BRINP3: variants seen among roughly 807,000 people sequenced by gnomAD.
BRINP3 encodes the protein BMP/retinoic acid-inducible neural-specific protein 3.
Under a neutral mutation model 71.0 loss-of-function variants are expected in BRINP3, and 19 were observed. The observed-to-expected ratio is 0.27, with a 90% CI of 0.19 to 0.39. The LOEUF (loss-of-function observed/expected upper bound fraction) is 0.39, where lower values mean the gene tolerates loss of function less well. Among genes scored for constraint, BRINP3 ranks in the 10% least tolerant of loss-of-function variants. The pLI is 1.00. For missense variants in BRINP3, 959 were observed against 940.8 expected, an observed-to-expected ratio of 1.02 and a Z score of -0.25; for synonymous variants, 380 against 337.7, an observed-to-expected ratio of 1.13 and a Z score of -1.37.
intron 7 of BRINP3, among the ~76,000 whole-genome samples, chr1:190,123,745 GC>G (rs1420407527): frequency 1.3e-5 from 2 of 151,970 alleles, no homozygotes; most frequent in African/African-American, 4.8e-5. Flanking sequence ...ACTTTTCATT[GC>G]AAAAGTTCCA....
chr1:190,097,899 G>T lies in BRINP3; in HGVS notation c.*119C>A. 1 of 1,103,834 alleles carries T rather than the reference G, an allele frequency of 9.1e-7. No homozygotes were observed. 68.4% of individuals were successfully genotyped at this position (1,103,834 alleles called of 1,614,324 possible). Reference sequence around the variant, plus strand: ...GTGTAAATTGCCATCCAATGTTATTGACTGATATAAGACAGATATTGAAAA... The same window carrying T: ...GTGTAAATTGCCATCCAATGTTATTTACTGATATAAGACAGATATTGAAAA... On this transcript the variant is annotated 3_prime_UTR_variant, in exon 8 of 8. Transcript: ENST00000367462.
At chr1:190,331,989 T>G (rs1666995485) in intron 2 of BRINP3, among the ~76,000 whole-genome samples, 1 of 152,074 alleles carries the variant, frequency 6.6e-6, no homozygotes, top group African/African-American at 2.4e-5. Context: ...GTGCTTTTTA[T>G]AATTATTAAT....
At chr1:190,450,998 A>T (rs974214862) in intron 2 of BRINP3, among the ~76,000 whole-genome samples, 2 of 152,220 alleles carry the variant, frequency 1.3e-5, no homozygotes, top group South Asian at 2.1e-4. Context: ...AGTAAGTCAT[A>T]ACATTCACCT....
chr1:190,315,291 G>A (rs888222844), intron 2 of BRINP3, among the ~76,000 whole-genome samples: 1 of 152,088 alleles, frequency 6.6e-6, no homozygotes, highest in Non-Finnish European at 1.5e-5. Context: ...ACAGCCCCCA[G>A]AGTCCAAATT....
At chr1:190,203,747 G>GAA (rs1655219271) in intron 6 of BRINP3, among the ~76,000 whole-genome samples, 1 of 68,980 alleles carries the variant, frequency 1.4e-5, no homozygotes, top group African/African-American at 5.2e-5. Context: ...TATCACTAAA[G>GAA]AAAATATATA....
chr1:190,420,345 G>A (rs950867997), intron 2 of BRINP3, among the ~76,000 whole-genome samples: 9 of 151,974 alleles, frequency 5.9e-5, no homozygotes, highest in African/African-American at 2.2e-4. Flanking sequence ...TCAGAGCTTG[G>A]AAGAATGCAA....
chr1:190,220,027 G>C (rs1656737664), intron 6 of BRINP3, among the ~76,000 whole-genome samples: 1 of 151,930 alleles, frequency 6.6e-6, no homozygotes, highest in African/African-American at 2.4e-5. Flanking sequence ...CAAGATCAAG[G>C]AGTGGAAATT....
intron 2 of BRINP3, among the ~76,000 whole-genome samples, chr1:190,421,736 T>C: frequency 6.6e-6 from 1 of 151,816 alleles, no homozygotes; most frequent in East Asian, 1.9e-4. Flanking sequence ...ATCAAATTTT[T>C]TAACTTCACG....
chr1:190,178,684 T>G (rs953618454), intron 6 of BRINP3, among the ~76,000 whole-genome samples: 1 of 152,146 alleles, frequency 6.6e-6, no homozygotes, highest in African/African-American at 2.4e-5. Flanking sequence ...CCATTTTTCT[T>G]ACAGCCTCTA....
intron 4 of BRINP3, among the ~76,000 whole-genome samples, chr1:190,236,845 T>C (rs1251906550): frequency 6.6e-6 from 1 of 151,968 alleles, no homozygotes; most frequent in African/African-American, 2.4e-5. Context: ...TATCATGTGG[T>C]TTCACTATTG....
chr1:190,180,780 C>T (rs867544989), intron 6 of BRINP3, among the ~76,000 whole-genome samples: 1 of 151,884 alleles, frequency 6.6e-6, no homozygotes, highest in African/African-American at 2.4e-5. Context: ...TTATATAACA[C>T]GTCATTATTT....
At chr1:190,410,003 T>C (rs1672559967) in intron 2 of BRINP3, among the ~76,000 whole-genome samples, 1 of 152,140 alleles carries the variant, frequency 6.6e-6, no homozygotes, top group Non-Finnish European at 1.5e-5. Context: ...TTTATTTCTT[T>C]TTCCTCTTTC....
intron 2 of BRINP3, among the ~76,000 whole-genome samples, chr1:190,312,193 G>A (rs988986823): frequency 8.7e-5 from 13 of 150,052 alleles, no homozygotes; most frequent in African/African-American, 2.9e-4. Context: ...ATGATCTTTC[G>A]TAAATTGCGA....
chr1:190,192,392 A>G (rs1654111128), intron 6 of BRINP3, among the ~76,000 whole-genome samples: 1 of 152,150 alleles, frequency 6.6e-6, no homozygotes. Context: ...TAAAAATGCT[A>G]TTAGTAAAAC....
At chr1:190,102,301 C>T (rs1388359856) in intron 7 of BRINP3, among the ~76,000 whole-genome samples, 1 of 152,040 alleles carries the variant, frequency 6.6e-6, no homozygotes, top group East Asian at 1.9e-4. Context: ...AATTTAGTTC[C>T]CCTTACTTTA....
intron 2 of BRINP3, among the ~76,000 whole-genome samples, chr1:190,327,790 T>G (rs1275777768): frequency 6.6e-6 from 1 of 152,064 alleles, no homozygotes; most frequent in Non-Finnish European, 1.5e-5. Context: ...ACTGACCACT[T>G]TAGCAACTGG....
chr1:190,212,755 C>G lies in BRINP3; in HGVS notation c.961+13327G>C, dbSNP rs753474229. Among the ~76,000 whole-genome samples the G allele has an allele frequency of 7.9e-5, 12 of 152,050 alleles. No homozygotes were observed. The South Asian group carries it at 1.2e-3, about 16-fold the overall frequency. On this transcript the variant is annotated intron_variant, in intron 6 of 7. Transcript: ENST00000367462. ...CAGTGACGATTATCTGTATGCTTTCCCATTGCCTCCATTACCAAATCATTC... is the reference window on the plus strand; with the variant it reads ...CAGTGACGATTATCTGTATGCTTTCGCATTGCCTCCATTACCAAATCATTC...
At chr1:190,441,038 C>A (rs1390661895) in intron 2 of BRINP3, among the ~76,000 whole-genome samples, 1 of 151,840 alleles carries the variant, frequency 6.6e-6, no homozygotes, top group Non-Finnish European at 1.5e-5. Context: ...TTAGATGGGA[C>A]TGCTAAACTA....
At chr1:190,318,243 T>C (rs1404771733) in intron 2 of BRINP3, among the ~76,000 whole-genome samples, 1 of 152,112 alleles carries the variant, frequency 6.6e-6, no homozygotes, top group African/African-American at 2.4e-5. Flanking sequence ...TTTATTTATT[T>C]CCTCCTGAGA....
Sources: gnomAD v4.1 joint callset for allele counts (sites outside exome capture counted in the v4.1 genomes callset) on GRCh38, gnomAD v4.1.1 for gene constraint, MANE v1.5 for transcripts, NCBI Gene and HGNC (gene_info 2026-07-23, HGNC 2026-07-21) for gene names.